PTPRD: variants seen among roughly 807,000 people sequenced by gnomAD.
PTPRD encodes the protein receptor-type tyrosine-protein phosphatase delta.
In PTPRD, 34 loss-of-function variants were observed where a neutral mutation model predicts 214.5. The ratio of observed to expected loss-of-function variants is 0.16; its 90% CI spans 0.12 to 0.21. The LOEUF is 0.21. Among genes scored for constraint, PTPRD ranks in the 10% least tolerant of loss-of-function variants. PTPRD has a pLI of 1.00. For synonymous variants in PTPRD, 1,128 were observed against 845.7 expected (o/e 1.33, Z -5.79); for missense variants, 2,545 against 2,398.7 (o/e 1.06, Z -1.27).
At chr9:9,962,455 C>A (rs574506586) in intron 4 of PTPRD, among the ~76,000 whole-genome samples, 23 of 152,082 alleles carry the variant, frequency 1.5e-4, no homozygotes, top group Non-Finnish European at 3.2e-4. Flanking sequence ...ACATATTGAA[C>A]CTTATATAAA....
At chr9:9,283,762 T>C (rs897432625) in intron 9 of PTPRD, among the ~76,000 whole-genome samples, 1 of 151,626 alleles carries the variant, frequency 6.6e-6, no homozygotes, top group Non-Finnish European at 1.5e-5. Context: ...TATATCTCTC[T>C]AATTGGACTG....
chr9:10,429,704 G>A (rs2098659185), intron 2 of PTPRD, among the ~76,000 whole-genome samples: 1 of 151,294 alleles, frequency 6.6e-6, no homozygotes, highest in Non-Finnish European at 1.5e-5. Context: ...TACAATGATA[G>A]AGTATAATGA....
At chr9:9,589,817 T>C (rs938226699) in intron 7 of PTPRD, among the ~76,000 whole-genome samples, 5 of 152,038 alleles carry the variant, frequency 3.3e-5, no homozygotes, top group Non-Finnish European at 7.4e-5. Flanking sequence ...ATAGTAGTGA[T>C]TGTTGTCATT....
At chr9:9,467,477 C>T (rs976956795) in intron 8 of PTPRD, among the ~76,000 whole-genome samples, 2 of 150,700 alleles carry the variant, frequency 1.3e-5, no homozygotes, top group South Asian at 2.1e-4. Flanking sequence ...GTCCCAGCTA[C>T]TCGAGAGGCT....
At chr9:10,319,359 G>C (rs1325425628) in intron 3 of PTPRD, among the ~76,000 whole-genome samples, 3 of 152,078 alleles carry the variant, frequency 2.0e-5, no homozygotes, top group Admixed American at 6.6e-5. Flanking sequence ...TTTCATATCT[G>C]AGATTCACTC....
intron 3 of PTPRD, among the ~76,000 whole-genome samples, chr9:10,212,090 T>C (rs952093888): frequency 3.3e-5 from 5 of 152,122 alleles, no homozygotes; most frequent in African/African-American, 1.2e-4. Context: ...TCCAATTCTA[T>C]CTAGCAGACA....
At chr9:9,526,118 T>C (rs912098504) in intron 8 of PTPRD, among the ~76,000 whole-genome samples, 14 of 152,224 alleles carry the variant, frequency 9.2e-5, no homozygotes, top group Admixed American at 8.5e-4. Flanking sequence ...TTTTAAGCCT[T>C]GCTTCTTTAG....
At chr9:10,125,415 T>A (rs10958893) in intron 3 of PTPRD, among the ~76,000 whole-genome samples, 11,814 of 143,772 alleles carry the variant, frequency 0.082, 624 homozygotes, top group Admixed American at 0.17. Context: ...TTATTTATTT[T>A]GTTTTATTTT....
intron 2 of PTPRD, among the ~76,000 whole-genome samples, chr9:10,561,470 T>C (rs1039869220): frequency 6.6e-6 from 1 of 152,170 alleles, no homozygotes; most frequent in African/African-American, 2.4e-5. Context: ...TATATGCACT[T>C]ATCATCTTTA....
intron 11 of PTPRD, among the ~76,000 whole-genome samples, chr9:8,781,415 AAAG>A (rs1417034783): frequency 6.6e-6 from 1 of 152,212 alleles, no homozygotes; most frequent in East Asian, 1.9e-4. Context: ...GTAGTAAGGG[AAAG>A]AAGAAAGACA....
chr9:9,676,667 G>T (rs930980827), intron 7 of PTPRD, among the ~76,000 whole-genome samples: 11 of 152,046 alleles, frequency 7.2e-5, no homozygotes, highest in Non-Finnish European at 1.3e-4. Context: ...GGATCAAATG[G>T]TATTTCTAGT....
At chr9:8,728,173 C>T (rs1487089900) in intron 12 of PTPRD, among the ~76,000 whole-genome samples, 4 of 152,098 alleles carry the variant, frequency 2.6e-5, no homozygotes, top group Non-Finnish European at 5.9e-5. Flanking sequence ...TCGCTTGAAC[C>T]GAGGAGGCGG....
chr9:9,049,100 T>TATCA, intron 10 of PTPRD, among the ~76,000 whole-genome samples: 1 of 152,324 alleles, frequency 6.6e-6, no homozygotes, highest in Non-Finnish European at 1.5e-5. Context: ...CACTAGTCAT[T>TATCA]ATCACTGTCT....
intron 11 of PTPRD, among the ~76,000 whole-genome samples, chr9:8,939,313 T>G (rs2099016810): frequency 6.6e-6 from 1 of 152,128 alleles, no homozygotes; most frequent in African/African-American, 2.4e-5. Context: ...ACCTAGAACA[T>G]TTTTAAAGAC....
intron 12 of PTPRD, among the ~76,000 whole-genome samples, chr9:8,683,079 C>T (rs1456380766): frequency 6.6e-6 from 1 of 152,120 alleles, no homozygotes; most frequent in Non-Finnish European, 1.5e-5. Context: ...TTTTCCACAT[C>T]TTAACTTTTG....
chr9:8,860,490 G>C (rs2098082003), intron 11 of PTPRD: 1 of 152,180 alleles, frequency 6.6e-6, no homozygotes, highest in Admixed American at 6.5e-5. Context: ...TGGAGAGTCT[G>C]AGTTATTATT....
intron 3 of PTPRD, among the ~76,000 whole-genome samples, chr9:10,037,060 ATG>A (rs2097197918): frequency 6.6e-6 from 1 of 151,232 alleles, no homozygotes; most frequent in Non-Finnish European, 1.5e-5. Context: ...TAATTTTTTA[ATG>A]TTTTGTTTTG....
chr9:9,383,492 G>C (rs2062937891), intron 9 of PTPRD, among the ~76,000 whole-genome samples: 1 of 151,958 alleles, frequency 6.6e-6, no homozygotes, highest in Non-Finnish European at 1.5e-5. Flanking sequence ...TCACCAACTT[G>C]CTCTTCATCA....
chr9:9,770,683 A>G (rs1319799494), intron 5 of PTPRD, among the ~76,000 whole-genome samples: 1 of 152,164 alleles, frequency 6.6e-6, no homozygotes, highest in African/African-American at 2.4e-5. Context: ...TGCTGACAAC[A>G]TAAAAAACAG....
Sources: gnomAD v4.1 joint callset for allele counts (sites outside exome capture counted in the v4.1 genomes callset) on GRCh38, gnomAD v4.1.1 for gene constraint, MANE v1.5 for transcripts, NCBI Gene and HGNC (gene_info 2026-07-23, HGNC 2026-07-21) for gene names.